Variants in PLEKHS1 observed in about 807,000 individuals in gnomAD.
The protein encoded by PLEKHS1 is pleckstrin homology domain-containing family S member 1.
In PLEKHS1, 55 loss-of-function variants were observed where a neutral mutation model predicts 51.0. That is an observed-to-expected ratio of 1.08 (90% CI 0.87 to 1.35). PLEKHS1 has a LOEUF of 1.35. PLEKHS1 is among the 40% of genes most tolerant of loss of function. The pLI, the probability that PLEKHS1 is intolerant of heterozygous loss-of-function variation, is 0.00. For synonymous variants in PLEKHS1, 153 were observed against 144.8 expected (o/e 1.06, Z -0.41); for missense variants, 398 against 423.0 (o/e 0.94, Z 0.52).
intron 11 of PLEKHS1, among the ~76,000 whole-genome samples, chr10:113,778,498 T>C (rs181414631): frequency 6.6e-6 from 1 of 152,332 alleles, no homozygotes; most frequent in Non-Finnish European, 1.5e-5. Flanking sequence ...TCTTCTGCAC[T>C]ACGTAATAAT....
chr10:113,775,534 A>G (rs1350690842), intron 10 of PLEKHS1, among the ~76,000 whole-genome samples: 1 of 152,216 alleles, frequency 6.6e-6, no homozygotes, highest in Non-Finnish European at 1.5e-5. Context: ...GTGGACAGTT[A>G]CATAACCAAT....
intron 6 of PLEKHS1, 27 bp downstream of exon 6, chr10:113,768,917 CAG>C: frequency 6.4e-7 from 1 of 1,559,168 alleles, no homozygotes; most frequent in Non-Finnish European, 8.8e-7. Context: ...AATAAAATAA[CAG>C]GGCACCTGAA....
intron 2 of PLEKHS1, 53 bp downstream of exon 2, chr10:113,755,358 CA>C: frequency 1.9e-6 from 3 of 1,586,474 alleles, no homozygotes; most frequent in Non-Finnish European, 1.7e-6. Flanking sequence ...GAAAATGCCC[CA>C]CGGTTTCCTT....
At chr10:113,765,698 T>A (rs950699056) in intron 2 of PLEKHS1, among the ~76,000 whole-genome samples, 1 of 152,244 alleles carries the variant, frequency 6.6e-6, no homozygotes, top group Non-Finnish European at 1.5e-5. Flanking sequence ...ATTCACTATT[T>A]AGAAAAACAC....
At chr10:113,759,642 A>G (rs114859687) in intron 2 of PLEKHS1, among the ~76,000 whole-genome samples, 480 of 152,324 alleles carry the variant, frequency 3.2e-3, no homozygotes, top group African/African-American at 0.011. Flanking sequence ...GATGAGTAGT[A>G]TTCCATTATA....
chr10:113,763,997 A>G (rs1010826107), intron 2 of PLEKHS1, among the ~76,000 whole-genome samples: 1 of 152,226 alleles, frequency 6.6e-6, no homozygotes, highest in Non-Finnish European at 1.5e-5. Context: ...CAGCCTTTAT[A>G]TATCTAAAAA....
In PLEKHS1 at chr10:113,762,365, C is replaced by CTTTTTTTTTTTTTTTTTTTTTTT. The variant is rs34457408; in HGVS notation, c.29-4025_29-4024insTTTTTTTTTTTTTTTTTTTTTTT. Among the ~76,000 whole-genome samples the CTTTTTTTTTTTTTTTTTTTTTTT allele has an allele frequency of 1.8e-3, 114 of 61,804 alleles. 1 individual carries two copies. Among genetic ancestry groups the CTTTTTTTTTTTTTTTTTTTTTTT allele is most frequent in the East Asian group, 3.0e-3 (6 of 1,982 alleles). The allele number at this position is 61,804 out of a possible 152,430, so 40.5% of individuals were successfully genotyped here. The stretch of plus-strand genomic sequence containing the variant: ...TCCTCTATTGACTTTAGATTTGTTC[C>CTTTTTTTTTTTTTTTTTTTTTTT]TTTTTTTTTTTTTTTTTTTTTCAGT... On this transcript the variant is annotated intron_variant, in intron 2 of 11. Coordinates refer to ENST00000361048, the Ensembl canonical transcript of PLEKHS1.
intron 11 of PLEKHS1, among the ~76,000 whole-genome samples, chr10:113,778,878 G>C (rs912583014): frequency 6.6e-6 from 1 of 152,244 alleles, no homozygotes; most frequent in Admixed American, 6.5e-5. Flanking sequence ...TGATCCGCCC[G>C]CCTCGGCCTC....
chr10:113,762,223 G>T (rs1477743733), intron 2 of PLEKHS1, among the ~76,000 whole-genome samples: 1 of 151,852 alleles, frequency 6.6e-6, no homozygotes, highest in African/African-American at 2.4e-5. Context: ...TATCTGCCTA[G>T]GTAGAGGTTT....
At chr10:113,774,086 A>T in intron 8 of PLEKHS1, 141 bp from the exon 9 acceptor site, 1 of 568,972 alleles carries the variant, frequency 1.8e-6, no homozygotes, top group Non-Finnish European at 3.0e-6. Context: ...AGGTTGGTTG[A>T]TATTTCTCAA....
intron 4 of PLEKHS1, 152 bp downstream of exon 4, chr10:113,766,870 T>C: frequency 1.7e-6 from 1 of 594,048 alleles, no homozygotes. Flanking sequence ...GCTAAAATAG[T>C]GAGCACTTTG....
In PLEKHS1 at chr10:113,765,218, T is replaced by G. The variant is rs192073074; in HGVS notation, c.29-1193T>G. The G allele has an allele frequency of 1.5e-4, 75 of 498,968 alleles. No individual in the cohort carries two copies. In the East Asian group the frequency reaches 1.8e-3, roughly 12 times the overall value. The allele number at this position is 498,968 out of a possible 1,614,324, so 30.9% of individuals were successfully genotyped here. On this transcript the variant is annotated intron_variant, in intron 2 of 11. Transcript: ENST00000361048. ...TGTTCTGGGATACAGTTAAATTTTT[T>G]GGGAACAACTTTCTTCTAAGTCTTT...
At chr10:113,781,160 G>A (rs1389577554) in exon 12 of PLEKHS1, 6 of 204,768 alleles carry the variant, frequency 2.9e-5, no homozygotes, top group Non-Finnish European at 5.0e-5. Context: ...AGATTCCCAA[G>A]GGAGATGTGA....
At position 113,777,127 on chromosome 10, in the gene PLEKHS1, G is replaced by T. The variant is rs373958650; in HGVS notation, c.1091+1261G>T. 2.8e-5 allele frequency: 45 copies of T among 1,612,556 alleles called. No homozygotes were observed. The African/African-American group carries it at 5.7e-4, about 21-fold the overall frequency. ...GGATGTTGTATTCCCACTGCAGTGT[G>T]TCTCAGTGGGAAGGCCCCCCACGTT... On this transcript the variant is annotated intron_variant, in intron 11 of 11. Transcript: ENST00000361048.
At chr10:113,770,019 A>G (rs1225172828) in intron 7 of PLEKHS1, 119 bp downstream of exon 7, 16 of 760,562 alleles carry the variant, frequency 2.1e-5, no homozygotes, top group Non-Finnish European at 3.2e-5. Flanking sequence ...CCGATGCACT[A>G]TAAGAAAGAT....
intron 8 of PLEKHS1, among the ~76,000 whole-genome samples, chr10:113,773,086 A>G (rs747496146): frequency 6.6e-6 from 1 of 152,248 alleles, no homozygotes; most frequent in Non-Finnish European, 1.5e-5. Context: ...GTATGTTTAT[A>G]TAAAAGAAAC....
At chr10:113,781,713 T>TTTCCCAAACACCTCC (rs1208430886) in exon 12 of PLEKHS1, 1 of 42,854 alleles carries the variant, frequency 2.3e-5, no homozygotes, top group Non-Finnish European at 5.1e-5. Flanking sequence ...CAAACCCCTC[T>TTTCCCAAACACCTCC]TTCCCAAACA....
At chr10:113,775,463 C>A (rs550045783) in intron 10 of PLEKHS1, among the ~76,000 whole-genome samples, 16 of 152,296 alleles carry the variant, frequency 1.1e-4, no homozygotes, top group African/African-American at 3.8e-4. Context: ...AATTTTAACT[C>A]TTTTCCATGC....
chr10:113,765,452 A>T (rs1250167149), intron 2 of PLEKHS1: 4 of 775,466 alleles, frequency 5.2e-6, no homozygotes, highest in Admixed American at 3.4e-5. Context: ...GGCCTCAGGT[A>T]GTTTCAGCAC....
Sources: allele counts gnomAD v4.1 joint callset (sites outside exome capture counted in the v4.1 genomes callset), GRCh38; gene constraint gnomAD v4.1.1; transcripts MANE v1.5; gene names NCBI Gene and HGNC (gene_info 2026-07-23, HGNC 2026-07-21).